The following FAM135B variants were observed in gnomAD, a reference collection of about 807,000 sequenced individuals.
The protein encoded by FAM135B is protein FAM135B.
Under a neutral mutation model 127.7 loss-of-function variants are expected in FAM135B, and 43 were observed. That is an observed-to-expected ratio of 0.34 (90% confidence interval 0.26 to 0.43). FAM135B has a LOEUF of 0.43. Ranked by LOEUF, FAM135B falls within the 20% of genes least tolerant of loss-of-function variation. FAM135B has a pLI of 1.00. For missense variants in FAM135B, 1,558 were observed against 1,725.6 expected (o/e 0.90, Z 1.72); for synonymous variants, 670 against 665.1 (o/e 1.01, Z -0.11).
chr8:138,195,088 C>T (rs547988670), intron 9 of FAM135B, among the ~76,000 whole-genome samples, 170 bp downstream of exon 9: 1 of 152,316 alleles, frequency 6.6e-6, no homozygotes, highest in South Asian at 2.1e-4. Context: ...ACTTATAGAA[C>T]ACAGTGATGT....
chr8:138,178,409 A>C, intron 10 of FAM135B, 126 bp downstream of exon 10: 1 of 1,082,868 alleles, frequency 9.2e-7, no homozygotes, highest in Non-Finnish European at 1.4e-6. Context: ...CTGCACGGTC[A>C]TGGTAGAGAC....
intron 11 of FAM135B, among the ~76,000 whole-genome samples, chr8:138,175,620 C>T (rs1319931691): frequency 1.3e-5 from 2 of 152,184 alleles, no homozygotes; most frequent in African/African-American, 4.8e-5. Context: ...ATTGTGAAAA[C>T]ATTTGCACAG....
intron 2 of FAM135B, among the ~76,000 whole-genome samples, chr8:138,339,041 A>G (rs1195223511): frequency 6.8e-6 from 1 of 147,902 alleles, no homozygotes; most frequent in Non-Finnish European, 1.5e-5. Flanking sequence ...GTTCTCACTC[A>G]TAGGTAGGAA....
intron 1 of FAM135B, among the ~76,000 whole-genome samples, chr8:138,428,336 ACTAT>A (rs1835013147): frequency 6.6e-6 from 1 of 152,126 alleles, no homozygotes; most frequent in Non-Finnish European, 1.5e-5. Flanking sequence ...CAACGCCCAA[ACTAT>A]CTTAGCTAGT....
rs1000468649 is a variant in FAM135B at position 138,241,028 on chromosome 8, G to A, written c.669+1914C>T. ...GAGACTCTTCAGTCTCTACAATGGGGTCTACTGAAACTCTGGGTGCCAGCC... is the reference window on the plus strand; with the variant it reads ...GAGACTCTTCAGTCTCTACAATGGGATCTACTGAAACTCTGGGTGCCAGCC... On this transcript the variant is annotated intron_variant, in intron 7 of 19. Coordinates refer to ENST00000395297, the MANE Select transcript of FAM135B (RefSeq NM_015912.4). This position sits in a 1 kb window ranked among gnomAD's most constrained non-coding sequence, Gnocchi z 4.8. Among the ~76,000 whole-genome samples, 1 of 152,178 alleles carries A rather than the reference G, an allele frequency of 6.6e-6. No individual in the cohort carries two copies. Among genetic ancestry groups the A allele is most frequent in the African/African-American group, 2.4e-5 (1 of 41,442 alleles).
At chr8:138,355,600 G>A (rs16908915) in intron 2 of FAM135B, among the ~76,000 whole-genome samples, 2,077 of 152,180 alleles carry the variant, frequency 0.014, 39 homozygotes, top group African/African-American at 0.047. Flanking sequence ...TATCTCTCAC[G>A]CCTGTCAGTC....
chr8:138,306,899 C>A (rs1482612803), intron 3 of FAM135B, among the ~76,000 whole-genome samples: 1 of 152,128 alleles, frequency 6.6e-6, no homozygotes, highest in East Asian at 1.9e-4. Flanking sequence ...CTGTATCATT[C>A]TTTAAGGCCA....
intron 1 of FAM135B, among the ~76,000 whole-genome samples, chr8:138,479,912 A>T (rs1814706467): frequency 2.0e-5 from 3 of 152,216 alleles, no homozygotes; most frequent in African/African-American, 7.2e-5. Flanking sequence ...ATTTTCCCAC[A>T]AAACTACCTC....
chr8:138,396,555 T>A (rs1238240992), intron 1 of FAM135B, among the ~76,000 whole-genome samples: 1 of 152,122 alleles, frequency 6.6e-6, no homozygotes, highest in Non-Finnish European at 1.5e-5. Context: ...ATGGATGTGT[T>A]TAGTTATTGA....
At chr8:138,247,959 G>C (rs529797268) in intron 6 of FAM135B, among the ~76,000 whole-genome samples, 3 of 152,278 alleles carry the variant, frequency 2.0e-5, no homozygotes, top group African/African-American at 7.2e-5. Context: ...TTTCTCTCAT[G>C]TCCCTGAAGT....
intron 2 of FAM135B, among the ~76,000 whole-genome samples, chr8:138,311,280 C>G (rs1334997153): frequency 6.6e-6 from 1 of 152,200 alleles, no homozygotes; most frequent in Non-Finnish European, 1.5e-5. Flanking sequence ...TATTTACGCA[C>G]AGTGGAGAAT....
At chr8:138,436,937 G>T (rs1030235796) in intron 1 of FAM135B, 3 of 152,150 alleles carry the variant, frequency 2.0e-5, no homozygotes, top group Non-Finnish European at 4.4e-5. Flanking sequence ...CCTTGCCTTT[G>T]TCCCTTGGAC....
intron 19 of FAM135B, among the ~76,000 whole-genome samples, chr8:138,135,712 G>T (rs145912402): frequency 1.3e-5 from 2 of 152,218 alleles, no homozygotes; most frequent in African/African-American, 2.4e-5. Context: ...TGTATTAAAA[G>T]TTTACACATG....
chr8:138,142,563 C>T lies in FAM135B; in HGVS notation c.3638+449G>A, dbSNP rs531102906. Among the ~76,000 whole-genome samples the T allele has an allele frequency of 2.9e-3, 448 of 152,128 alleles. 2 individuals carry two copies. Among genetic ancestry groups the T allele is most frequent in the African/African-American group, 0.01 (430 of 41,514 alleles). ...TCGTGATCCGCCCGCCTCAGCCTCC[C>T]AAAGTGCTGGGATTACAGGTGTGAG... On this transcript the variant is annotated intron_variant, in intron 16 of 19. Transcript: ENST00000395297.
chr8:138,186,286 A>T (rs1815566523), intron 9 of FAM135B, among the ~76,000 whole-genome samples: 2 of 152,208 alleles, frequency 1.3e-5, no homozygotes, highest in African/African-American at 4.8e-5. Context: ...CCATCTTTGT[A>T]TAACCAATGA....
At chr8:138,247,478 G>A (rs1415053627) in intron 6 of FAM135B, among the ~76,000 whole-genome samples, 1 of 152,134 alleles carries the variant, frequency 6.6e-6, no homozygotes, top group Admixed American at 6.5e-5. Flanking sequence ...TTTGATGCTG[G>A]CATGTGAAGA....
Position 138,142,190 on chromosome 8 carries a change from C to T in FAM135B, c.3638+822G>A, listed in dbSNP as rs549213464. On this transcript the variant is annotated intron_variant, in intron 16 of 19. Transcript: ENST00000395297. Reference sequence around the variant, plus strand: ...TTGCATGAAAAATGCAAGCTGCTTACTAGCACTGTCGTCACTGAAACATTT... The same window carrying T: ...TTGCATGAAAAATGCAAGCTGCTTATTAGCACTGTCGTCACTGAAACATTT... Among the ~76,000 whole-genome samples, 3 of 150,700 alleles carry T rather than the reference C, an allele frequency of 2.0e-5. 1 individual carries two copies. The highest frequency in any genetic ancestry group is 2.1e-4 in the South Asian group (1 of 4,740).
chr8:138,371,806 C>T (rs1831145451), intron 1 of FAM135B, among the ~76,000 whole-genome samples: 1 of 152,240 alleles, frequency 6.6e-6, no homozygotes, highest in African/African-American at 2.4e-5. Context: ...TAACTTCCTA[C>T]TACAACCAGT....
At chr8:138,343,931 A>C (rs1829224397) in intron 2 of FAM135B, among the ~76,000 whole-genome samples, 1 of 152,094 alleles carries the variant, frequency 6.6e-6, no homozygotes, top group Non-Finnish European at 1.5e-5. Flanking sequence ...GCCCTTCCAG[A>C]TCATTGCTGC....
Sources: allele counts gnomAD v4.1 joint callset (sites outside exome capture counted in the v4.1 genomes callset), GRCh38; gene constraint gnomAD v4.1.1; non-coding constraint Gnocchi (gnomAD v3.1); transcripts MANE v1.5; gene names NCBI Gene and HGNC (gene_info 2026-07-23, HGNC 2026-07-21).